Variants in PRKCSH observed in about 807,000 individuals in gnomAD.
PRKCSH encodes the protein glucosidase 2 subunit beta.
In PRKCSH, 42 loss-of-function variants were observed where a neutral mutation model predicts 79.7. That is an observed-to-expected ratio of 0.53 (90% confidence interval 0.41 to 0.68). PRKCSH has a LOEUF of 0.68. Ranked by LOEUF, PRKCSH falls within the 30% of genes least tolerant of loss-of-function variation. The pLI is 0.00. For missense variants in PRKCSH, 686 were observed against 709.0 expected (o/e 0.97, Z 0.37); for synonymous variants, 325 against 288.2 (o/e 1.13, Z -1.29).
intron 7 of PRKCSH, among the ~76,000 whole-genome samples, chr19:11,444,490 G>T (rs1425903560): frequency 6.6e-6 from 1 of 152,164 alleles, no homozygotes; most frequent in Non-Finnish European, 1.5e-5. Context: ...GTGTCAGCCG[G>T]GTCTCCTGGG....
Position 11,436,128 on chromosome 19 carries a change from CGCTGCTGCT to C in PRKCSH, c.18_26del (p.Leu7_Leu9del). ...AGAGCGTCTGGTGAGATGCTGTTGC[CGCTGCTGCT>C]GCTGCTACCCATGTGCTGGGCCGTG... On this transcript the variant is annotated inframe_deletion, in exon 2 of 18. Coordinates refer to ENST00000677123, the MANE Select transcript of PRKCSH (RefSeq NM_001289104.2). 2 of 1,608,494 alleles carry C rather than the reference CGCTGCTGCT, an allele frequency of 1.2e-6. No homozygotes were observed. The highest frequency in any genetic ancestry group is 1.7e-6 in the Non-Finnish European group (2 of 1,179,440).
chr19:11,442,277 G>A, intron 6 of PRKCSH, 109 bp from the exon 7 acceptor site: 2 of 1,466,312 alleles, frequency 1.4e-6, no homozygotes, highest in Non-Finnish European at 1.8e-6. Flanking sequence ...CTTGGTGTGT[G>A]TTTTGGAACA....
At position 11,448,964 on chromosome 19, in the gene PRKCSH, TCG is replaced by T. The variant is rs1384778144; in HGVS notation, c.1338_1339del (p.Gly448LeufsTer25). On this transcript the variant is annotated frameshift_variant, in exon 15 of 18. Transcript: ENST00000677123. LOFTEE classifies it high-confidence loss of function. The surrounding 1 kb of genome is among the most constrained non-coding windows in gnomAD (Gnocchi z 4.4). ...AAGCTTGTCTCGCAGAAACCCAAAC[TCG>T]GGGGCTCTCCCACCAGCCTTGGGTG... 6.2e-7 allele frequency: 1 copy of T among 1,613,990 alleles called. No individual in the cohort carries two copies. Among genetic ancestry groups the T allele is most frequent in the Non-Finnish European group, 8.5e-7 (1 of 1,180,022 alleles).
intron 1 of PRKCSH, 116 bp downstream of exon 1, chr19:11,435,822 A>G: frequency 7.3e-7 from 1 of 1,366,716 alleles, no homozygotes; most frequent in Non-Finnish European, 9.8e-7. Flanking sequence ...TGTTGGCGGG[A>G]ATTGGGTCAC....
Position 11,443,515 on chromosome 19 carries a change from C to T in PRKCSH, c.598+1000C>T, listed in dbSNP as rs575715802. On this transcript the variant is annotated intron_variant, in intron 7 of 17. Coordinates refer to ENST00000677123, the MANE Select transcript of PRKCSH (RefSeq NM_001289104.2). ...GAGCTGAGATTGCGCCCCTATATTC[C>T]AGCCTGGCAACAGAGTGAGACTCCG... Among the ~76,000 whole-genome samples the T allele has an allele frequency of 5.3e-5, 8 of 150,308 alleles. No individual in the cohort carries two copies. The East Asian group carries it at 1.4e-3, about 26-fold the overall frequency.
intron 5 of PRKCSH, 147 bp downstream of exon 5, chr19:11,438,271 T>G: frequency 2.3e-6 from 2 of 886,074 alleles, no homozygotes; most frequent in Non-Finnish European, 3.6e-6. Flanking sequence ...ATCCCCACCT[T>G]TCCCTCTAGT....
chr19:11,439,148 C>A (rs889723260), intron 5 of PRKCSH, among the ~76,000 whole-genome samples: 1 of 152,118 alleles, frequency 6.6e-6, no homozygotes, highest in African/African-American at 2.4e-5. Flanking sequence ...CTCAGGTGAT[C>A]TGCTCGCCTC....
chr19:11,438,142 C>T lies in PRKCSH; in HGVS notation c.350+18C>T. ...ACCTGCAAGTACGTGGGTGACAGTA[C>T]CCCTCCCATCACCCCACCCCAAGAC... On this transcript the variant is annotated intron_variant, in intron 5 of 17. Transcript: ENST00000677123. 1 of 1,613,364 alleles carries T rather than the reference C, an allele frequency of 6.2e-7. No individual in the cohort carries two copies. Among genetic ancestry groups the T allele is most frequent in the Non-Finnish European group, 8.5e-7 (1 of 1,179,622 alleles).
chr19:11,441,183 A>C, intron 5 of PRKCSH, 57 bp from the exon 6 acceptor site: 1 of 1,569,506 alleles, frequency 6.4e-7, no homozygotes, highest in Non-Finnish European at 8.8e-7. Flanking sequence ...TGGAAGAGGC[A>C]GACCTGGTGG....
At chr19:11,444,598 G>C (rs760165037) in intron 7 of PRKCSH, among the ~76,000 whole-genome samples, 2 of 152,246 alleles carry the variant, frequency 1.3e-5, no homozygotes, top group Non-Finnish European at 2.9e-5. Flanking sequence ...TTGGTATACA[G>C]TGGGAACTGA....
chr19:11,448,211 CCCTCT>C lies in PRKCSH; in HGVS notation c.1127-8_1127-4del. 1 of 1,554,240 alleles carries C rather than the reference CCCTCT, an allele frequency of 6.4e-7. No homozygotes were observed. The highest frequency in any genetic ancestry group is 8.7e-7 in the Non-Finnish European group (1 of 1,148,284). On this transcript the variant is annotated splice_region_variant and splice_polypyrimidine_tract_variant and intron_variant, in intron 12 of 17. Transcript: ENST00000677123. The surrounding 1 kb of genome is among the most constrained non-coding windows in gnomAD (Gnocchi z 4.4). ...GTTGAGGACATCTCTGACCTCCAAC[CCCTCT>C]CCCAGCTGCCCAGGAGGCCCGCAAC... is the stretch of plus-strand genomic sequence containing the variant.
Position 11,447,740 on chromosome 19 carries a change from G to A in PRKCSH, c.1077G>A (p.Glu359=). ...LSPPQPASPA[E]EDKMPPYDEQ... ...CCCCGCAGCCGGCCAGCCCTGCTGA[G>A]GAAGACAAAATGCCGCCCTACGACG... Residue 359 remains glutamate, a synonymous_variant, in exon 12 of 18, where the codon GAG becomes GAA. Coordinates refer to ENST00000677123, the MANE Select transcript of PRKCSH (RefSeq NM_001289104.2). The surrounding 1 kb of genome is among the most constrained non-coding windows in gnomAD (Gnocchi z 5.6). 1 of 1,597,174 alleles carries A rather than the reference G, an allele frequency of 6.3e-7. No individual in the cohort carries two copies. Among genetic ancestry groups the A allele is most frequent in the Non-Finnish European group, 8.5e-7 (1 of 1,172,342 alleles).
intron 9 of PRKCSH, among the ~76,000 whole-genome samples, chr19:11,446,807 C>T (rs1216713936): frequency 6.6e-6 from 1 of 152,054 alleles, no homozygotes; most frequent in Non-Finnish European, 1.5e-5. Flanking sequence ...GCTCTCTCTT[C>T]CTCCATCTGT....
chr19:11,448,325 C>A lies in PRKCSH; in HGVS notation c.1196+34C>A. 6.4e-7 allele frequency: 1 copy of A among 1,560,070 alleles called. No homozygotes were observed. Among genetic ancestry groups the A allele is most frequent in the South Asian group, 1.2e-5 (1 of 84,966 alleles). ...GGCTGAGGAGCGGGGACACCTGTCC[C>A]ACAGCGACTGCTCCTTGACTCCCAG... On this transcript the variant is annotated intron_variant, in intron 13 of 17. Coordinates refer to ENST00000677123, the MANE Select transcript of PRKCSH (RefSeq NM_001289104.2). The surrounding 1 kb of genome is among the most constrained non-coding windows in gnomAD (Gnocchi z 4.4).
intron 5 of PRKCSH, among the ~76,000 whole-genome samples, chr19:11,440,251 C>A (rs1969997888): frequency 6.6e-6 from 1 of 150,922 alleles, no homozygotes; most frequent in Non-Finnish European, 1.5e-5. Context: ...GAGTTCATGC[C>A]ATTCTCCTGC....
At chr19:11,442,838 A>C (rs892988291) in intron 7 of PRKCSH, among the ~76,000 whole-genome samples, 1 of 152,080 alleles carries the variant, frequency 6.6e-6, no homozygotes, top group African/African-American at 2.4e-5. Flanking sequence ...AGTAGCTGAG[A>C]TTACAGGCAC....
At chr19:11,442,244 C>T in intron 6 of PRKCSH, 142 bp from the exon 7 acceptor site, 1 of 1,265,982 alleles carries the variant, frequency 7.9e-7, no homozygotes, top group Non-Finnish European at 1.1e-6. Context: ...TACAGGGAAC[C>T]CCAGCTCGGG....
At chr19:11,446,439 C>G (rs1033085709) in intron 9 of PRKCSH, 89 bp downstream of exon 9, 1 of 1,452,266 alleles carries the variant, frequency 6.9e-7, no homozygotes, top group Non-Finnish European at 9.5e-7. Flanking sequence ...AAGGAAAGCT[C>G]CTTGCTGGCC....
At position 11,449,647 on chromosome 19, in the gene PRKCSH, ATTGTC is replaced by A; in HGVS notation, c.*16+226_*16+230del. On this transcript the variant is annotated intron_variant, in intron 17 of 17. Transcript: ENST00000677123. The surrounding 1 kb of genome is among the most constrained non-coding windows in gnomAD (Gnocchi z 6.4). ...AACCTCTACCTCCCGGGTTCAAACA[ATTGTC>A]TTGTCTCAGCCTCCCAAGTAGCTGG... is the stretch of plus-strand genomic sequence containing the variant. 2 of 600,070 alleles carry A rather than the reference ATTGTC, an allele frequency of 3.3e-6. No individual in the cohort carries two copies. The highest frequency in any genetic ancestry group is 5.8e-6 in the Non-Finnish European group (2 of 344,186). 37.2% of individuals were successfully genotyped at this position (600,070 alleles called of 1,614,324 possible).
Sources: allele counts gnomAD v4.1 joint callset (sites outside exome capture counted in the v4.1 genomes callset), GRCh38; gene constraint gnomAD v4.1.1; non-coding constraint Gnocchi (gnomAD v3.1); transcripts MANE v1.5; gene names NCBI Gene and HGNC (gene_info 2026-07-23, HGNC 2026-07-21).